Variants in BANK1 observed in about 807,000 individuals in gnomAD.
BANK1 encodes the protein B-cell scaffold protein with ankyrin repeats.
Under a neutral mutation model 94.5 loss-of-function variants are expected in BANK1, and 95 were observed. The observed-to-expected ratio is 1.00, with a 90% confidence interval of 0.85 to 1.19. The LOEUF is 1.19. Ranked by LOEUF, BANK1 falls within the 50% of genes most tolerant of loss-of-function variation. BANK1 has a pLI of 0.00. For missense variants in BANK1, 987 were observed against 932.2 expected (o/e 1.06, Z -0.77); for synonymous variants, 334 against 308.4 (o/e 1.08, Z -0.87).
At chr4:101,916,636 T>A (rs1722838691) in intron 6 of BANK1, among the ~76,000 whole-genome samples, 1 of 152,058 alleles carries the variant, frequency 6.6e-6, no homozygotes. Flanking sequence ...ATTTCTTTGC[T>A]ATGTGCTAAT....
chr4:102,068,277 A>AAAT (rs1169006199), intron 13 of BANK1, among the ~76,000 whole-genome samples: 1 of 152,166 alleles, frequency 6.6e-6, no homozygotes, highest in Non-Finnish European at 1.5e-5. Flanking sequence ...CACTTTAGAA[A>AAAT]AATAGAAAAT....
chr4:102,051,614 A>G (rs79008216), intron 11 of BANK1, among the ~76,000 whole-genome samples: 2,584 of 152,338 alleles, frequency 0.017, 31 homozygotes, highest in South Asian at 0.027. Context: ...CCTACTGTCT[A>G]TGAAACAAAT....
At chr4:101,965,163 A>G (rs1366061820) in intron 7 of BANK1, among the ~76,000 whole-genome samples, 1 of 151,960 alleles carries the variant, frequency 6.6e-6, no homozygotes, top group Non-Finnish European at 1.5e-5. Context: ...GACACACAAA[A>G]TACTGACCTA....
Position 101,844,996 on chromosome 4 carries a change from T to C in BANK1, c.470-10039T>C, listed in dbSNP as rs569822685. 8.7e-4 allele frequency among the ~76,000 whole-genome samples: 133 copies of C among 152,316 alleles called. 1 individual carries two copies. Among genetic ancestry groups the C allele is most frequent in the African/African-American group, 3.1e-3 (128 of 41,586 alleles). On this transcript the variant is annotated intron_variant, in intron 2 of 16. Coordinates refer to ENST00000322953, the MANE Select transcript of BANK1 (RefSeq NM_017935.5). ...AGGTGAGTAGACTCAGTTTCTACAATTTTTTAAGCTGAGGATCGGATATAC... is the reference window on the plus strand; with the variant it reads ...AGGTGAGTAGACTCAGTTTCTACAACTTTTTAAGCTGAGGATCGGATATAC...
intron 7 of BANK1, among the ~76,000 whole-genome samples, 194 bp downstream of exon 7, chr4:101,918,383 A>C (rs995353148): frequency 1.3e-5 from 2 of 151,964 alleles, no homozygotes; most frequent in Non-Finnish European, 2.9e-5. Context: ...AAGTCTACCC[A>C]ATAAAAAGTT....
Position 102,008,728 on chromosome 4 carries a change from T to G in BANK1, c.1207-12786T>G, listed in dbSNP as rs559597149. 3.3e-5 allele frequency among the ~76,000 whole-genome samples: 5 copies of G among 152,330 alleles called. No individual in the cohort carries two copies. The South Asian group carries it at 6.2e-4, about 19-fold the overall frequency. Reference sequence around the variant, plus strand: ...GTAACATTTTCAGCTTACAACATTTTTTTTTGAAAGACTGGGCCTAAAGCA... The same window carrying G: ...GTAACATTTTCAGCTTACAACATTTGTTTTTGAAAGACTGGGCCTAAAGCA... On this transcript the variant is annotated intron_variant, in intron 7 of 16. Transcript: ENST00000322953.
intron 6 of BANK1, among the ~76,000 whole-genome samples, chr4:101,916,405 C>G (rs190071385): frequency 1.1e-4 from 17 of 152,072 alleles, no homozygotes; most frequent in Middle Eastern, 3.4e-3. Flanking sequence ...AAATGGATTG[C>G]ATGGTCATGA....
At position 102,060,463 on chromosome 4, in the gene BANK1, A is replaced by T. The variant is rs554490162; in HGVS notation, c.2148+74A>T. The T allele has an allele frequency of 1.4e-4, 202 of 1,478,322 alleles. 1 individual carries two copies. The Admixed American group carries it at 3.7e-3, about 27-fold the overall frequency. The allele number at this position is 1,478,322 out of a possible 1,614,324, so 91.6% of individuals were successfully genotyped here. ...CCTAGTTTGTTAATGTTTAATTTTC[A>T]TGAGGAATACAGGTAACTGTTCTTT... On this transcript the variant is annotated intron_variant, in intron 12 of 16. Coordinates refer to ENST00000322953, the MANE Select transcript of BANK1 (RefSeq NM_017935.5).
chr4:101,947,309 A>ATATATATATATATATATATATATG (rs1176507515), intron 7 of BANK1, among the ~76,000 whole-genome samples: 2,616 of 66,958 alleles, frequency 0.039, 252 homozygotes, highest in South Asian at 0.058. Flanking sequence ...ATATATATAT[A>ATATATATATATATATATATATATG]TATGTATATG....
chr4:101,918,220 A>T lies in BANK1; in HGVS notation c.1206+31A>T, dbSNP rs768853989. On this transcript the variant is annotated intron_variant, in intron 7 of 16. Transcript: ENST00000322953. ...TTTTTTTTTTAAATTATATCTCTGT[A>T]TATTCTGTTTGATATTGTAGAAGAG... The T allele has an allele frequency of 1.4e-5, 20 of 1,442,010 alleles. No individual in the cohort carries two copies. In the African/African-American group the frequency reaches 2.9e-4, roughly 21 times the overall value. The allele number at this position is 1,442,010 out of a possible 1,614,324, so 89.3% of individuals were successfully genotyped here. A position where few individuals can be genotyped will look rare whatever the true frequency, so the allele number is the denominator to read the frequency against.
chr4:101,945,857 A>T (rs1461170777), intron 7 of BANK1, among the ~76,000 whole-genome samples: 1 of 151,982 alleles, frequency 6.6e-6, no homozygotes, highest in Admixed American at 6.6e-5. Flanking sequence ...GACATATACT[A>T]CATACCCCCC....
At chr4:101,915,949 C>T (rs1413353442) in intron 6 of BANK1, among the ~76,000 whole-genome samples, 1 of 152,012 alleles carries the variant, frequency 6.6e-6, no homozygotes, top group Non-Finnish European at 1.5e-5. Context: ...CAGCAATGCT[C>T]TGTTTTTACA....
At chr4:101,952,901 C>T (rs1168421440) in intron 7 of BANK1, among the ~76,000 whole-genome samples, 1 of 152,068 alleles carries the variant, frequency 6.6e-6, no homozygotes, top group East Asian at 1.9e-4. Flanking sequence ...GAAACAAAAC[C>T]AGTAATTTTG....
intron 5 of BANK1, among the ~76,000 whole-genome samples, chr4:101,878,431 C>T (rs1471648710): frequency 6.6e-6 from 1 of 152,016 alleles, no homozygotes; most frequent in Non-Finnish European, 1.5e-5. Flanking sequence ...TATATTTACC[C>T]AACACTGGAG....
intron 6 of BANK1, among the ~76,000 whole-genome samples, chr4:101,908,501 G>A (rs987158828): frequency 7.2e-5 from 11 of 152,118 alleles, no homozygotes; most frequent in African/African-American, 2.7e-4. Flanking sequence ...CATGGGCAAG[G>A]ACTTCATGAC....
At chr4:102,052,263 G>A (rs535317288) in intron 11 of BANK1, among the ~76,000 whole-genome samples, 18 of 151,858 alleles carry the variant, frequency 1.2e-4, no homozygotes, top group East Asian at 5.8e-4. Context: ...GACTACAGGC[G>A]TGTGCTACCA....
chr4:101,804,334 A>G (rs941821878), intron 1 of BANK1, among the ~76,000 whole-genome samples: 5 of 152,194 alleles, frequency 3.3e-5, no homozygotes, highest in Non-Finnish European at 7.3e-5. Flanking sequence ...TGTTGGGAGT[A>G]TCTGCTAAAA....
chr4:102,053,262 C>T (rs1728115547), intron 11 of BANK1, among the ~76,000 whole-genome samples: 1 of 152,116 alleles, frequency 6.6e-6, no homozygotes, highest in African/African-American at 2.4e-5. Flanking sequence ...ATGAATAATG[C>T]AGATTGAGTG....
intron 7 of BANK1, among the ~76,000 whole-genome samples, chr4:102,001,482 C>T (rs2148936695): frequency 6.6e-6 from 1 of 152,292 alleles, no homozygotes; most frequent in East Asian, 1.9e-4. Context: ...CGCCTGTAGT[C>T]CCAGCTGCTT....
Sources: gnomAD v4.1 joint callset for allele counts (sites outside exome capture counted in the v4.1 genomes callset) on GRCh38, gnomAD v4.1.1 for gene constraint, MANE v1.5 for transcripts, NCBI Gene and HGNC (gene_info 2026-07-23, HGNC 2026-07-21) for gene names.